RARB: variants seen among roughly 807,000 people sequenced by gnomAD.
The protein encoded by RARB is HBV-activated protein.
A neutral mutation model predicts 51.9 loss-of-function variants in RARB; 17 were observed. The ratio of observed to expected loss-of-function variants is 0.33; its 90% CI spans 0.22 to 0.49. The LOEUF (loss-of-function observed/expected upper bound fraction) is 0.49, where lower values mean the gene tolerates loss of function less well. Ranked by LOEUF, RARB falls within the 20% of genes least tolerant of loss-of-function variation. The pLI, the probability that RARB is intolerant of heterozygous loss-of-function variation, is 0.99. For synonymous variants in RARB, 215 were observed against 195.4 expected, an observed-to-expected ratio of 1.10 and a Z score of -0.84; for missense variants, 369 against 550.8, an observed-to-expected ratio of 0.67 and a Z score of 3.30.
At chr3:25,016,178 T>C (rs1193634074) in intron 2 of RARB, among the ~76,000 whole-genome samples, 1 of 152,190 alleles carries the variant, frequency 6.6e-6, no homozygotes, top group Non-Finnish European at 1.5e-5. Context: ...TATTATTGTG[T>C]AGCCTGTAGA....
chr3:25,586,724 G>A (rs985772657), intron 5 of RARB, among the ~76,000 whole-genome samples: 2 of 152,198 alleles, frequency 1.3e-5, no homozygotes, highest in African/African-American at 4.8e-5. Context: ...CTGTGCAGCT[G>A]TATAGCCATG....
chr3:25,537,464 G>T (rs1266722625), intron 3 of RARB, among the ~76,000 whole-genome samples: 2 of 152,058 alleles, frequency 1.3e-5, no homozygotes, highest in East Asian at 1.9e-4. Context: ...GTCTACATTC[G>T]CAATACTATG....
At chr3:24,963,399 G>A (rs1696182949) in intron 2 of RARB, among the ~76,000 whole-genome samples, 2 of 142,396 alleles carry the variant, frequency 1.4e-5, no homozygotes, top group Middle Eastern at 6.9e-3. Context: ...AAACATTAGG[G>A]CCTAATGGCT....
intron 2 of RARB, among the ~76,000 whole-genome samples, chr3:24,890,785 G>T (rs1486606709): frequency 6.6e-6 from 1 of 151,976 alleles, no homozygotes; most frequent in Non-Finnish European, 1.5e-5. Flanking sequence ...GAGTTTTTTG[G>T]GTGGGTTCTT....
At chr3:25,493,216 C>G (rs1483825330) in intron 2 of RARB, among the ~76,000 whole-genome samples, 1 of 152,176 alleles carries the variant, frequency 6.6e-6, no homozygotes, top group Non-Finnish European at 1.5e-5. Context: ...TACTTTCTCC[C>G]TCCCTCTCAC....
chr3:25,197,014 G>A (rs956499510), intron 5 of RARB, among the ~76,000 whole-genome samples: 10 of 152,176 alleles, frequency 6.6e-5, no homozygotes, highest in South Asian at 4.1e-4. Context: ...CCATTCTGTA[G>A]GTTGCCTGTT....
intron 2 of RARB, among the ~76,000 whole-genome samples, chr3:25,050,445 T>G (rs930588459): frequency 6.6e-6 from 1 of 152,014 alleles, no homozygotes; most frequent in Non-Finnish European, 1.5e-5. Context: ...AAAAAAAAAA[T>G]TAACTCTCAT....
At chr3:25,069,168 G>C (rs964987292) in intron 3 of RARB, among the ~76,000 whole-genome samples, 1 of 151,706 alleles carries the variant, frequency 6.6e-6, no homozygotes, top group Non-Finnish European at 1.5e-5. Flanking sequence ...GGAAGAGAAA[G>C]AAGAAAGCAA....
At chr3:25,422,822 T>C (rs767977173) in intron 5 of RARB, among the ~76,000 whole-genome samples, 2 of 152,090 alleles carry the variant, frequency 1.3e-5, no homozygotes, top group South Asian at 2.1e-4. Context: ...CAAATGTATA[T>C]AGCTAGGTTT....
At chr3:25,095,013 T>A (rs544474425) in intron 3 of RARB, among the ~76,000 whole-genome samples, 24 of 152,306 alleles carry the variant, frequency 1.6e-4, no homozygotes, top group Admixed American at 1.2e-3. Flanking sequence ...AATACAGGAA[T>A]TCTCTCAAGG....
chr3:25,035,349 G>GT (rs1407344240), intron 2 of RARB, among the ~76,000 whole-genome samples: 1 of 150,406 alleles, frequency 6.6e-6, no homozygotes, highest in Non-Finnish European at 1.5e-5. Context: ...CTCCAACTCC[G>GT]TAGCTCAAGC....
intron 5 of RARB, among the ~76,000 whole-genome samples, chr3:25,589,362 C>T (rs554886172): frequency 9.8e-5 from 15 of 152,300 alleles, no homozygotes; most frequent in Middle Eastern, 3.4e-3. Flanking sequence ...TAGGGAGAGG[C>T]CACTGAGGCC....
At chr3:25,326,397 C>G (rs1265848722) in intron 5 of RARB, among the ~76,000 whole-genome samples, 1 of 152,108 alleles carries the variant, frequency 6.6e-6, no homozygotes. Flanking sequence ...TTGAGTCATC[C>G]TGAAAAGGAC....
At chr3:24,904,898 A>C (rs1181462660) in intron 2 of RARB, among the ~76,000 whole-genome samples, 2 of 152,234 alleles carry the variant, frequency 1.3e-5, no homozygotes, top group African/African-American at 4.8e-5. Flanking sequence ...CATTCTCAGC[A>C]AACTAACACA....
chr3:24,952,021 A>G (rs895342218), intron 2 of RARB, among the ~76,000 whole-genome samples: 1 of 152,198 alleles, frequency 6.6e-6, no homozygotes, highest in South Asian at 2.1e-4. Context: ...ATCTTTTACT[A>G]TCTGTTCAGC....
intron 2 of RARB, among the ~76,000 whole-genome samples, chr3:24,947,815 G>A (rs1275385178): frequency 6.6e-6 from 1 of 152,116 alleles, no homozygotes; most frequent in East Asian, 1.9e-4. Flanking sequence ...CTGCCATTTA[G>A]TAGCTCTGTG....
chr3:25,394,429 T>C (rs1366689049), intron 5 of RARB, among the ~76,000 whole-genome samples: 2 of 152,176 alleles, frequency 1.3e-5, no homozygotes, highest in African/African-American at 4.8e-5. Flanking sequence ...TTCTAAGGTA[T>C]AGTTTCAGTC....
intron 5 of RARB, among the ~76,000 whole-genome samples, chr3:25,390,680 G>A (rs2125486812): frequency 6.6e-6 from 1 of 151,980 alleles, no homozygotes; most frequent in African/African-American, 2.4e-5. Context: ...ATCAAGTTTG[G>A]GCTTCACAGT....
intron 2 of RARB, among the ~76,000 whole-genome samples, chr3:25,475,914 C>T (rs1695923889): frequency 6.6e-6 from 1 of 152,206 alleles, no homozygotes; most frequent in Non-Finnish European, 1.5e-5. Flanking sequence ...CTCAAAATTA[C>T]AATGGCTTCA....
Sources: gnomAD v4.1 joint callset for allele counts (sites outside exome capture counted in the v4.1 genomes callset) on GRCh38, gnomAD v4.1.1 for gene constraint, MANE v1.5 for transcripts, NCBI Gene and HGNC (gene_info 2026-07-23, HGNC 2026-07-21) for gene names.